RGS6: variants seen among roughly 807,000 people sequenced by gnomAD.
RGS6 encodes the protein regulator of G-protein signaling 6.
RGS6 carries 30 observed loss-of-function variants against 78.5 expected under a neutral mutation model. The observed-to-expected ratio is 0.38, with a 90% CI of 0.29 to 0.52. The LOEUF (loss-of-function observed/expected upper bound fraction) is 0.52. Among genes scored for constraint, RGS6 ranks in the 20% least tolerant of loss-of-function variants. The pLI, the probability that RGS6 is intolerant of heterozygous loss-of-function variation, is 0.85. For missense variants in RGS6, 495 were observed against 609.7 expected (o/e 0.81, Z 1.98); for synonymous variants, 206 against 206.0 (o/e 1.00, Z 0.00).
chr14:72,505,885 A>G (rs1461148464), intron 13 of RGS6, among the ~76,000 whole-genome samples: 1 of 152,214 alleles, frequency 6.6e-6, no homozygotes, highest in African/African-American at 2.4e-5. Context: ...CTTCCTTTGA[A>G]TCTGGCTTTC....
chr14:72,477,516 G>C (rs536080593), intron 11 of RGS6, among the ~76,000 whole-genome samples: 83 of 151,964 alleles, frequency 5.5e-4, no homozygotes, highest in African/African-American at 2.0e-3. Flanking sequence ...GGCGGGGCTC[G>C]GGGCTCGGTG....
At chr14:72,305,886 G>A (rs1048703025) in intron 2 of RGS6, among the ~76,000 whole-genome samples, 4 of 152,102 alleles carry the variant, frequency 2.6e-5, no homozygotes, top group Admixed American at 2.6e-4. Context: ...AGACCTCTTG[G>A]GCAAAATAAT....
chr14:72,155,169 C>T (rs1305767001), intron 2 of RGS6, among the ~76,000 whole-genome samples: 1 of 152,230 alleles, frequency 6.6e-6, no homozygotes, highest in Non-Finnish European at 1.5e-5. Context: ...CTTTGAGTCA[C>T]AGCTGGGCTT....
At chr14:72,028,149 C>G (rs1368900883) in intron 2 of RGS6, among the ~76,000 whole-genome samples, 1 of 152,220 alleles carries the variant, frequency 6.6e-6, no homozygotes, top group Non-Finnish European at 1.5e-5. Flanking sequence ...AAAACACGAA[C>G]TTCTATCTGG....
chr14:72,253,896 T>C (rs775214333), intron 2 of RGS6, among the ~76,000 whole-genome samples: 5 of 152,228 alleles, frequency 3.3e-5, no homozygotes, highest in Non-Finnish European at 7.3e-5. Context: ...TCTGTACTGA[T>C]ACAGGTCTAT....
At chr14:72,347,073 G>A (rs1460275079) in intron 2 of RGS6, among the ~76,000 whole-genome samples, 6 of 152,156 alleles carry the variant, frequency 3.9e-5, no homozygotes, top group South Asian at 2.1e-4. Context: ...TCTCTGCATC[G>A]TTTGGCTGTC....
At chr14:72,075,700 G>C (rs2094549501) in intron 2 of RGS6, among the ~76,000 whole-genome samples, 1 of 152,056 alleles carries the variant, frequency 6.6e-6, no homozygotes, top group Admixed American at 6.6e-5. Flanking sequence ...TTTCCTTGCA[G>C]ATGTTCTCTC....
At chr14:72,274,873 G>C (rs2060449928) in intron 2 of RGS6, among the ~76,000 whole-genome samples, 1 of 152,226 alleles carries the variant, frequency 6.6e-6, no homozygotes, top group Admixed American at 6.5e-5. Context: ...GCTGCTTTAA[G>C]TCACTGAGTT....
the RGS6 span, among the ~76,000 whole-genome samples, chr14:72,616,370 C>T: frequency 1.3e-5 from 2 of 152,162 alleles, no homozygotes; most frequent in African/African-American, 2.4e-5. Context: ...GTCCCCAACC[C>T]CATGTACATC....
At chr14:72,261,240 A>G (rs2058097997) in intron 2 of RGS6, among the ~76,000 whole-genome samples, 1 of 152,186 alleles carries the variant, frequency 6.6e-6, no homozygotes, top group Non-Finnish European at 1.5e-5. Context: ...ACCTGATGTA[A>G]GAAGATGTTC....
At chr14:72,129,404 G>T (rs1292861526) in intron 2 of RGS6, among the ~76,000 whole-genome samples, 2 of 152,168 alleles carry the variant, frequency 1.3e-5, no homozygotes, top group Non-Finnish European at 2.9e-5. Context: ...ACTGAAATAA[G>T]TGTTGATATT....
chr14:72,043,929 ACTC>A (rs1289574865), intron 2 of RGS6, among the ~76,000 whole-genome samples: 5 of 148,038 alleles, frequency 3.4e-5, no homozygotes, highest in East Asian at 4.0e-4. Flanking sequence ...GCTCCTTCCT[ACTC>A]CTCCTCTTCC....
At chr14:72,138,485 A>AG (rs1427758637) in intron 2 of RGS6, among the ~76,000 whole-genome samples, 3 of 56,706 alleles carry the variant, frequency 5.3e-5, no homozygotes, top group African/African-American at 2.1e-4. Context: ...ACTTTCTTGG[A>AG]GGGAGAGTTC....
chr14:71,912,788 C>CA, the RGS6 span, among the ~76,000 whole-genome samples: 1 of 152,104 alleles, frequency 6.6e-6, no homozygotes, highest in Non-Finnish European at 1.5e-5. Flanking sequence ...ATAGAGACTG[C>CA]ACACAAACTG....
intron 17 of RGS6, among the ~76,000 whole-genome samples, chr14:72,554,043 T>A (rs2097539603): frequency 6.6e-6 from 1 of 152,246 alleles, no homozygotes; most frequent in African/African-American, 2.4e-5. Context: ...CTGGTGTACT[T>A]CCTCCGGTTA....
At position 72,092,837 on chromosome 14, in the gene RGS6, A is replaced by C. The variant is rs149195184; in HGVS notation, c.84+127962A>C. Among the ~76,000 whole-genome samples the C allele has an allele frequency of 4.0e-3, 602 of 152,340 alleles. 3 individuals carry two copies. Among genetic ancestry groups the C allele is most frequent in the African/African-American group, 0.014 (562 of 41,572 alleles). The stretch of plus-strand genomic sequence containing the variant: ...AAAATAGAATAGTACATTGGTTACA[A>C]TGAACAAACCAATGTTGATAAAGTA... On this transcript the variant is annotated intron_variant, in intron 2 of 17. Coordinates refer to ENST00000553525, the MANE Select transcript of RGS6 (RefSeq NM_001204424.2).
chr14:72,046,111 TAA>T (rs2153395141), intron 2 of RGS6, among the ~76,000 whole-genome samples: 1 of 152,068 alleles, frequency 6.6e-6, no homozygotes, highest in East Asian at 1.9e-4. Flanking sequence ...GTCAAAGCAT[TAA>T]AGTCATTTTT....
chr14:71,935,343 A>T (rs770247089), intron 1 of RGS6, among the ~76,000 whole-genome samples: 1 of 152,224 alleles, frequency 6.6e-6, no homozygotes. Flanking sequence ...CACTGTTAAC[A>T]TATCTTTAAC....
At chr14:72,363,041 G>A (rs1482413193) in intron 3 of RGS6, among the ~76,000 whole-genome samples, 1 of 152,204 alleles carries the variant, frequency 6.6e-6, no homozygotes, top group Non-Finnish European at 1.5e-5. Flanking sequence ...ATGTGTGTAT[G>A]TATTTGAGAA....
Sources: allele counts gnomAD v4.1 joint callset (sites outside exome capture counted in the v4.1 genomes callset), GRCh38; gene constraint gnomAD v4.1.1; transcripts MANE v1.5; gene names NCBI Gene and HGNC (gene_info 2026-07-23, HGNC 2026-07-21).